HERC3: variants seen among roughly 807,000 people sequenced by gnomAD.
HERC3 encodes HECT and RLD domain containing E3 ubiquitin protein ligase 3.
A neutral mutation model predicts 129.9 loss-of-function variants in HERC3; 58 were observed. That is an observed-to-expected ratio of 0.45 (90% CI 0.36 to 0.56). The LOEUF (loss-of-function observed/expected upper bound fraction) is 0.56. Ranked by LOEUF, HERC3 falls within the 20% of genes least tolerant of loss-of-function variation. HERC3 has a pLI of 0.00. For missense variants in HERC3, 835 were observed against 1,244.2 expected (o/e 0.67, Z 4.95); for synonymous variants, 430 against 451.0 (o/e 0.95, Z 0.59).
chr4:88,663,380 G>A (rs1340776503), intron 11 of HERC3, among the ~76,000 whole-genome samples: 4 of 152,134 alleles, frequency 2.6e-5, no homozygotes, highest in African/African-American at 4.8e-5. Context: ...CTGAAGGGTC[G>A]CAGGGGAGAG....
chr4:88,645,887 A>G (rs1282683657), intron 3 of HERC3, among the ~76,000 whole-genome samples: 1 of 152,190 alleles, frequency 6.6e-6, no homozygotes, highest in Admixed American at 6.5e-5. Flanking sequence ...AGATGCTGAT[A>G]TTATTTACTG....
chr4:88,606,652 T>C lies in HERC3; in HGVS notation c.226+603T>C, dbSNP rs552255393. ...TCATGGCAGAAGGTGAAAGGCATGT[T>C]TCACATGGCGGCAGACAAGAGAAGA... On this transcript the variant is annotated intron_variant, in intron 3 of 25. Coordinates refer to ENST00000402738, the MANE Select transcript of HERC3 (RefSeq NM_014606.3). 8.5e-5 allele frequency among the ~76,000 whole-genome samples: 13 copies of C among 152,278 alleles called. No homozygotes were observed. The East Asian group carries it at 9.6e-4, about 11-fold the overall frequency.
the HERC3 span, among the ~76,000 whole-genome samples, chr4:88,537,707 C>T: frequency 6.6e-6 from 1 of 152,180 alleles, no homozygotes; most frequent in Admixed American, 6.5e-5. Flanking sequence ...ATTTGGCCTT[C>T]TTAGAGATTA....
chr4:88,559,162 T>A, the HERC3 span, among the ~76,000 whole-genome samples: 2 of 152,334 alleles, frequency 1.3e-5, no homozygotes, highest in African/African-American at 4.8e-5. Context: ...ACCTTGGTGA[T>A]GACCTTGAGC....
intron 12 of HERC3, among the ~76,000 whole-genome samples, chr4:88,664,480 C>A (rs960623863): frequency 2.0e-5 from 3 of 152,136 alleles, no homozygotes; most frequent in Non-Finnish European, 2.9e-5. Context: ...TGGTGGTTGG[C>A]CTTAATTTAA....
chr4:88,646,545 T>C (rs1728709363), intron 3 of HERC3, among the ~76,000 whole-genome samples: 1 of 152,218 alleles, frequency 6.6e-6, no homozygotes, highest in African/African-American at 2.4e-5. Flanking sequence ...TCAGTGTGTT[T>C]AGTTATTTTA....
chr4:88,701,640 C>G (rs1246552471), intron 23 of HERC3, among the ~76,000 whole-genome samples: 1 of 152,130 alleles, frequency 6.6e-6, no homozygotes, highest in Non-Finnish European at 1.5e-5. Context: ...ACTGATACCG[C>G]TGTACATACC....
chr4:88,591,468 T>C (rs1721704636), upstream of HERC3, among the ~76,000 whole-genome samples: 1 of 152,192 alleles, frequency 6.6e-6, no homozygotes, highest in Admixed American at 6.5e-5. Flanking sequence ...TTGAATGTCC[T>C]TGGTAAGAAT....
At chr4:88,604,887 C>G (rs1264148546) in intron 2 of HERC3, among the ~76,000 whole-genome samples, 2 of 152,174 alleles carry the variant, frequency 1.3e-5, no homozygotes, top group Non-Finnish European at 2.9e-5. Flanking sequence ...CACATTATCA[C>G]CAACACTTGT....
chr4:88,539,962 T>TA, the HERC3 span, among the ~76,000 whole-genome samples: 1 of 151,986 alleles, frequency 6.6e-6, no homozygotes, highest in Non-Finnish European at 1.5e-5. Context: ...CAAAGGTAGA[T>TA]AAAACCACAA....
chr4:88,534,974 G>C, the HERC3 span, among the ~76,000 whole-genome samples: 1 of 152,164 alleles, frequency 6.6e-6, no homozygotes, highest in Non-Finnish European at 1.5e-5. Context: ...ATTACAGAAA[G>C]CTGTGTTTTC....
the HERC3 span, among the ~76,000 whole-genome samples, chr4:88,573,492 G>A: frequency 6.6e-6 from 1 of 152,156 alleles, no homozygotes; most frequent in Non-Finnish European, 1.5e-5. Context: ...TTTGACTTCT[G>A]GAATTCTGGG....
At chr4:88,558,942 TG>T in the HERC3 span, among the ~76,000 whole-genome samples, 1 of 144,696 alleles carries the variant, frequency 6.9e-6, no homozygotes, top group Non-Finnish European at 1.5e-5. Context: ...CGCTCCAGCC[TG>T]GGCAACAGAG....
At chr4:88,553,785 C>T in the HERC3 span, among the ~76,000 whole-genome samples, 279 of 152,250 alleles carry the variant, frequency 1.8e-3, no homozygotes, top group Non-Finnish European at 2.8e-3. Flanking sequence ...GCCTGCCTGC[C>T]TTGGCCTCCC....
At chr4:88,657,035 G>A (rs1729980565) in intron 9 of HERC3, 1 of 151,214 alleles carries the variant, frequency 6.6e-6, no homozygotes, top group Non-Finnish European at 1.5e-5. Context: ...AGCAGTCTTG[G>A]TTTCATTGGA....
chr4:88,690,541 CAG>C (rs1733971451), intron 23 of HERC3: 1 of 984,774 alleles, frequency 1.0e-6, no homozygotes, highest in South Asian at 4.7e-5. Context: ...GGGGAACATT[CAG>C]AGTGTCCTCA....
At chr4:88,634,831 T>G (rs1201995465) in intron 3 of HERC3, among the ~76,000 whole-genome samples, 3 of 151,848 alleles carry the variant, frequency 2.0e-5, no homozygotes, top group Non-Finnish European at 4.4e-5. Context: ...TCCAGTCTCC[T>G]CAAGTGACAT....
At chr4:88,595,841 CTTTTTTTTTTTT>C (rs532515500) in intron 2 of HERC3, among the ~76,000 whole-genome samples, 1,794 of 80,358 alleles carry the variant, frequency 0.022, 47 homozygotes, top group African/African-American at 0.074. Flanking sequence ...GCACTTAATT[CTTTTTTTTTTTT>C]TTTTTTTTTT....
the HERC3 span, among the ~76,000 whole-genome samples, chr4:88,560,749 GT>G: frequency 1.3e-5 from 2 of 152,020 alleles, no homozygotes; most frequent in Admixed American, 1.3e-4. Flanking sequence ...TCCATTTTTA[GT>G]TGATTTTTGT....
Sources: allele counts gnomAD v4.1 joint callset (sites outside exome capture counted in the v4.1 genomes callset), GRCh38; gene constraint gnomAD v4.1.1; transcripts MANE v1.5; gene names NCBI Gene and HGNC (gene_info 2026-07-23, HGNC 2026-07-21).